Variants in MYO3A observed in about 807,000 individuals in gnomAD.
The protein encoded by MYO3A is myosin-IIIa.
In MYO3A, 180 loss-of-function variants were observed where a neutral mutation model predicts 192.7. The observed-to-expected ratio is 0.93, with a 90% CI of 0.83 to 1.06. MYO3A has a LOEUF of 1.06. Among genes scored for constraint, MYO3A ranks in the 50% least tolerant of loss-of-function variants. MYO3A has a pLI of 0.00. For synonymous variants in MYO3A, 628 were observed against 645.3 expected, an observed-to-expected ratio of 0.97 and a Z score of 0.41; for missense variants, 1,896 against 1,905.0, an observed-to-expected ratio of 1.00 and a Z score of 0.09.
chr10:26,032,686 CG>C (rs1207114295), intron 10 of MYO3A, among the ~76,000 whole-genome samples: 1 of 151,692 alleles, frequency 6.6e-6, no homozygotes, highest in Non-Finnish European at 1.5e-5. Flanking sequence ...CCTTATTAGG[CG>C]TGGGACTTTA....
chr10:26,008,837 A>G (rs1447670834), intron 6 of MYO3A, among the ~76,000 whole-genome samples: 1 of 151,990 alleles, frequency 6.6e-6, no homozygotes, highest in Non-Finnish European at 1.5e-5. Flanking sequence ...TCAGGGATCT[A>G]GAACTAGAAA....
At chr10:25,942,292 G>A (rs1379755753) in intron 2 of MYO3A, among the ~76,000 whole-genome samples, 2 of 152,104 alleles carry the variant, frequency 1.3e-5, no homozygotes, top group Admixed American at 6.5e-5. Flanking sequence ...ATGAACCACC[G>A]CGTCCAGCCA....
chr10:26,074,240 T>C (rs1028694680), intron 14 of MYO3A, among the ~76,000 whole-genome samples: 1 of 152,212 alleles, frequency 6.6e-6, no homozygotes, highest in Non-Finnish European at 1.5e-5. Flanking sequence ...CTAATCTCTC[T>C]ATAAAAGAGT....
intron 6 of MYO3A, among the ~76,000 whole-genome samples, chr10:26,004,031 C>T (rs1841019164): frequency 6.6e-6 from 1 of 152,174 alleles, no homozygotes; most frequent in South Asian, 2.1e-4. Context: ...TCAATCCTTC[C>T]TTTCTTTATG....
In MYO3A at chr10:26,192,426, T is replaced by A. The variant is rs16926652; in HGVS notation, c.4439-779T>A. Among the ~76,000 whole-genome samples the A allele has an allele frequency of 3.6e-3, 550 of 152,250 alleles. 3 individuals are homozygous for A. The highest frequency in any genetic ancestry group is 0.013 in the African/African-American group (524 of 41,552). On this transcript the variant is annotated intron_variant, in intron 31 of 34. Transcript: ENST00000642920. ...ATGAGGCAGTACTTAAAAATGAAGA[T>A]CGTGCAGTGCTTGGATAGACGGGTC...
chr10:25,938,865 A>G (rs746100471), intron 2 of MYO3A, among the ~76,000 whole-genome samples: 3 of 152,294 alleles, frequency 2.0e-5, no homozygotes, highest in Non-Finnish European at 4.4e-5. Flanking sequence ...TAGAAAAGAA[A>G]ACATGCCCGT....
intron 20 of MYO3A, among the ~76,000 whole-genome samples, chr10:26,141,387 T>G (rs1197096205): frequency 1.3e-5 from 2 of 152,232 alleles, no homozygotes; most frequent in Non-Finnish European, 2.9e-5. Context: ...AAGTATTTTA[T>G]AAATTCTGAG....
chr10:26,134,853 A>G (rs1481255483), intron 20 of MYO3A, among the ~76,000 whole-genome samples: 2 of 152,174 alleles, frequency 1.3e-5, no homozygotes, highest in African/African-American at 4.8e-5. Flanking sequence ...ACCCTGGGCA[A>G]TGTTTTCATG....
intron 14 of MYO3A, among the ~76,000 whole-genome samples, chr10:26,075,092 A>G (rs1199676538): frequency 1.3e-5 from 2 of 151,942 alleles, no homozygotes; most frequent in Non-Finnish European, 2.9e-5. Context: ...CTATTCCACT[A>G]GTTGATGTGT....
chr10:26,099,385 A>G (rs1837282190), intron 17 of MYO3A, among the ~76,000 whole-genome samples: 1 of 152,096 alleles, frequency 6.6e-6, no homozygotes, highest in African/African-American at 2.4e-5. Flanking sequence ...CTCTTTTCCT[A>G]ATTGAATACC....
intron 10 of MYO3A, among the ~76,000 whole-genome samples, chr10:26,039,615 G>A (rs1177897070): frequency 6.6e-6 from 1 of 151,922 alleles, no homozygotes; most frequent in Non-Finnish European, 1.5e-5. Flanking sequence ...AATCTTGGTA[G>A]GTTGTATGTG....
chr10:25,960,860 G>A (rs1306969162), intron 4 of MYO3A, among the ~76,000 whole-genome samples: 1 of 152,076 alleles, frequency 6.6e-6, no homozygotes, highest in Non-Finnish European at 1.5e-5. Flanking sequence ...TGTTGTTTAA[G>A]GGTCAACTGC....
chr10:26,205,134 A>G (rs1564645574), intron 34 of MYO3A, among the ~76,000 whole-genome samples: 1 of 152,200 alleles, frequency 6.6e-6, no homozygotes, highest in Non-Finnish European at 1.5e-5. Context: ...TGATTTTTTT[A>G]ATTGACAAAA....
intron 10 of MYO3A, among the ~76,000 whole-genome samples, chr10:26,036,680 G>A (rs942227808): frequency 2.6e-5 from 4 of 152,130 alleles, no homozygotes; most frequent in Admixed American, 6.5e-5. Context: ...ACAAGTTGCC[G>A]ATGACAGTAA....
intron 20 of MYO3A, among the ~76,000 whole-genome samples, chr10:26,131,049 T>A (rs1362536348): frequency 6.6e-6 from 1 of 152,228 alleles, no homozygotes; most frequent in East Asian, 1.9e-4. Context: ...GTGTTCTTAC[T>A]TTCATGAGAC....
intron 31 of MYO3A, among the ~76,000 whole-genome samples, chr10:26,179,442 A>G (rs1842506069): frequency 6.6e-6 from 1 of 152,172 alleles, no homozygotes. Context: ...CATATATTTC[A>G]GTGTTGGTCT....
At chr10:26,038,939 A>G (rs1391523577) in intron 10 of MYO3A, among the ~76,000 whole-genome samples, 1 of 152,186 alleles carries the variant, frequency 6.6e-6, no homozygotes, top group South Asian at 2.1e-4. Flanking sequence ...TGTTGATATA[A>G]TGTATCACAT....
At chr10:26,054,499 T>C (rs916341838) in intron 10 of MYO3A, among the ~76,000 whole-genome samples, 2 of 152,192 alleles carry the variant, frequency 1.3e-5, no homozygotes, top group African/African-American at 4.8e-5. Context: ...TTCTAGATTT[T>C]GGTAGGCTGA....
intron 4 of MYO3A, among the ~76,000 whole-genome samples, chr10:25,970,780 A>G (rs1449748806): frequency 6.6e-6 from 1 of 151,988 alleles, no homozygotes; most frequent in African/African-American, 2.4e-5. Flanking sequence ...AATGATATTA[A>G]TGAAATATTA....
Sources: gnomAD v4.1 joint callset for allele counts (sites outside exome capture counted in the v4.1 genomes callset) on GRCh38, gnomAD v4.1.1 for gene constraint, MANE v1.5 for transcripts, NCBI Gene and HGNC (gene_info 2026-07-23, HGNC 2026-07-21) for gene names.